APCS: variants seen among roughly 807,000 people sequenced by gnomAD.
APCS encodes serum amyloid P-component.
In APCS, 2 loss-of-function variants were observed where a neutral mutation model predicts 2.5. The observed-to-expected ratio is 0.80, with a 90% CI of 0.33 to 2.53. The LOEUF is 2.53. Ranked by LOEUF, APCS falls within the 30% of genes most tolerant of loss-of-function variation. The pLI, the probability that APCS is intolerant of heterozygous loss-of-function variation, is 0.11. For synonymous variants in APCS, 109 were observed against 102.5 expected (o/e 1.06, Z -0.39); for missense variants, 302 against 258.9 (o/e 1.17, Z -1.14).
At chr1:159,588,056 T>C (rs546428006) in intron 1 of APCS, 45 bp from the exon 2 acceptor site, 5 of 1,613,436 alleles carry the variant, frequency 3.1e-6, no homozygotes, top group East Asian at 2.2e-5. Flanking sequence ...ATCTTTTCCC[T>C]GCATTTATAC....
Position 159,588,652 on chromosome 1 carries a change from G to C in APCS, c.616G>C (p.Ala206Pro), listed in dbSNP as rs749107842. 6.2e-7 allele frequency: 1 copy of C among 1,613,570 alleles called. No individual in the cohort carries two copies. Among genetic ancestry groups the C allele is most frequent in the East Asian group, 2.2e-5 (1 of 44,860 alleles). Residue 206 changes from alanine to proline, a missense_variant, in exon 2 of 2, where the codon GCT (alanine) becomes CCT (proline). Physicochemically the swap from Ala to Pro is conservative, Grantham distance 27. Transcript: ENST00000255040. ...CCCTGCCAATATCCTGGACTGGCAGGCTCTGAACTATGAAATCAGAGGATA... is the reference window on the plus strand; with the variant it reads ...CCCTGCCAATATCCTGGACTGGCAGCCTCTGAACTATGAAATCAGAGGATA... ...PLPANILDWQ[A>P]LNYEIRGYVI... is the part of the protein sequence containing the mutation.
In APCS at chr1:159,588,704, T is replaced by C. The variant is rs763388925; in HGVS notation, c.668T>C (p.Val223Ala). 1.1e-5 allele frequency: 17 copies of C among 1,608,772 alleles called. No homozygotes were observed. The highest frequency in any genetic ancestry group is 1.4e-5 in the Non-Finnish European group (16 of 1,176,302). Residue 223 changes from valine (V) to alanine (A), a missense_variant, in exon 2 of 2, where the codon GTC becomes GCC. By Grantham distance (64) the Val-to-Ala change is moderately conservative. Transcript: ENST00000255040. ...GTCATCATCAAACCCTTGGTGTGGGTCTGAGGTCTTGACTCAACGAGAGCA... is the reference window on the plus strand; with the variant it reads ...GTCATCATCAAACCCTTGGTGTGGGCCTGAGGTCTTGACTCAACGAGAGCA... ...GYVIIKPLVWV is the reference protein window; with the variant it reads ...GYVIIKPLVWA
chr1:159,588,104 T>G lies in APCS; in HGVS notation c.68T>G (p.Leu23Arg). 1 of 1,613,514 alleles carries G rather than the reference T, an allele frequency of 6.2e-7. No individual in the cohort carries two copies. The highest frequency in any genetic ancestry group is 8.5e-7 in the Non-Finnish European group (1 of 1,179,548). Reference protein sequence around the residue: ...SLLEAFAHTDLSGKVFVFPRE... With the variant: ...SLLEAFAHTDRSGKVFVFPRE... ...TCTTTCTTTCTTTATCCCGCAGACC[T>G]CAGTGGGAAGGTGTTTGTATTTCCT... Residue 23 changes from leucine (L) to arginine (R), a missense_variant, in exon 2 of 2, where the codon CTC becomes CGC. Coordinates refer to ENST00000255040, the MANE Select transcript of APCS (RefSeq NM_001639.4).
rs1570983988 is a variant in APCS, at chr1:159,587,846, A to G, written c.-76A>G. Reference sequence around the variant, plus strand: ...TCTAAGGGCATGAATATCAGACGCTAGGGGGACAGCCACTGTGTTGTCTGC... The same window carrying G: ...TCTAAGGGCATGAATATCAGACGCTGGGGGGACAGCCACTGTGTTGTCTGC... On this transcript the variant is annotated 5_prime_UTR_variant, in exon 1 of 2. An upstream open reading frame in the 5' UTR loses its in-frame stop. Transcript: ENST00000255040. 7.5e-6 allele frequency: 11 copies of G among 1,468,706 alleles called. 1 individual carries two copies. In the South Asian group the frequency reaches 1.3e-4, roughly 17 times the overall value. 91.0% of individuals were successfully genotyped at this position (1,468,706 alleles called of 1,614,324 possible).
chr1:159,588,032 G>T (rs750515137), intron 1 of APCS, 47 bp downstream of exon 1: 2 of 1,612,892 alleles, frequency 1.2e-6, no homozygotes, highest in Admixed American at 3.3e-5. Flanking sequence ...GAGAAAATAG[G>T]TTGAAGCTGA....
Position 159,588,645 on chromosome 1 carries a change from C to A in APCS, c.609C>A (p.Asp203Glu). ...QGTPLPANIL[D>E]WQALNYEIRG... The stretch of plus-strand genomic sequence containing the variant: ...CCCCTCTCCCTGCCAATATCCTGGA[C>A]TGGCAGGCTCTGAACTATGAAATCA... Residue 203 changes from aspartate (D) to glutamate (E), a missense_variant, in exon 2 of 2, where the codon GAC (aspartate) becomes GAA (glutamate). Asp to Glu is a conservative substitution (Grantham distance 45). Transcript: ENST00000255040. 6.2e-7 allele frequency: 1 copy of A among 1,613,648 alleles called. No individual in the cohort carries two copies. The highest frequency in any genetic ancestry group is 8.5e-7 in the Non-Finnish European group (1 of 1,179,850).
chr1:159,588,126 T>C lies in APCS; in HGVS notation c.90T>C (p.Phe30=), dbSNP rs200137779. The C allele has an allele frequency of 6.2e-6, 10 of 1,613,664 alleles. No homozygotes were observed. Among genetic ancestry groups the C allele is most frequent in the Non-Finnish European group, 8.5e-6 (10 of 1,179,734 alleles). The part of the protein sequence containing the change: ...HTDLSGKVFV[F]PRESVTDHVN... ...ACCTCAGTGGGAAGGTGTTTGTATT[T>C]CCTAGAGAATCTGTTACTGATCATG... The change falls in exon 2 of 2, where the codon TTT becomes TTC. Residue 30 remains phenylalanine, a synonymous_variant. Transcript: ENST00000255040.
chr1:159,588,034 T>A (rs200588785), intron 1 of APCS, 49 bp downstream of exon 1: 1 of 1,612,914 alleles, frequency 6.2e-7, no homozygotes. Context: ...GAAAATAGGT[T>A]GAAGCTGAGA....
In APCS at chr1:159,588,347, T is replaced by C. The variant is rs1182186265; in HGVS notation, c.311T>C (p.Ile104Thr). ...AGACACAAAGTTACATCCAAAGTTA[T>C]CGAAAAGTTCCCGGCTCCAGTGCAC... ...IGRHKVTSKV[I>T]EKFPAPVHIC... is the part of the protein sequence containing the mutation. Residue 104 changes from isoleucine to threonine, a missense_variant, in exon 2 of 2, where the codon ATC becomes ACC. Coordinates refer to ENST00000255040, the MANE Select transcript of APCS (RefSeq NM_001639.4). 6.2e-7 allele frequency: 1 copy of C among 1,614,174 alleles called. No homozygotes were observed. The highest frequency in any genetic ancestry group is 8.5e-7 in the Non-Finnish European group (1 of 1,180,032).
rs1159337866 is a variant in APCS at position 159,588,285 on chromosome 1, T to C, written c.249T>C (p.Tyr83=). ...TQGRDNELLV[Y]KERVGEYSLY... ...GCAGGGATAATGAGCTACTAGTTTA[T>C]AAAGAAAGAGTTGGAGAGTATAGTC... The change falls in exon 2 of 2, where the codon TAT becomes TAC. Residue 83 remains tyrosine (Y), a synonymous_variant. Coordinates refer to ENST00000255040, the MANE Select transcript of APCS (RefSeq NM_001639.4). The C allele has an allele frequency of 7.4e-6, 12 of 1,613,820 alleles. No homozygotes were observed. The highest frequency in any genetic ancestry group is 1.7e-5 in the Admixed American group (1 of 59,980).
At chr1:159,588,013 T>C (rs199985915) in intron 1 of APCS, 28 bp downstream of exon 1, 2 of 1,613,570 alleles carry the variant, frequency 1.2e-6, no homozygotes, top group African/African-American at 2.7e-5. Flanking sequence ...TGGTCAAGAA[T>C]CATAAAGTGA....
In APCS at chr1:159,588,156, C is replaced by T. The variant is rs2101627005; in HGVS notation, c.120C>T (p.Asn40=). 1 of 1,613,910 alleles carries T rather than the reference C, an allele frequency of 6.2e-7. No individual in the cohort carries two copies. The highest frequency in any genetic ancestry group is 1.7e-5 in the Admixed American group (1 of 60,006). Residue 40 remains asparagine, a synonymous_variant, in exon 2 of 2, where the codon AAC becomes AAT. Coordinates refer to ENST00000255040, the MANE Select transcript of APCS (RefSeq NM_001639.4). ...FPRESVTDHV[N]LITPLEKPLQ... ...GAGAATCTGTTACTGATCATGTAAA[C>T]TTGATCACACCGCTGGAGAAGCCTC...
At position 159,587,945 on chromosome 1, in the gene APCS, C is replaced by G. The variant is rs1329217386; in HGVS notation, c.24C>G (p.Ile8Met). The change falls in exon 1 of 2, where the codon ATC (isoleucine) becomes ATG (methionine). Residue 8 changes from isoleucine to methionine, a missense_variant. Ile to Met is a conservative substitution (Grantham distance 10). Coordinates refer to ENST00000255040, the MANE Select transcript of APCS (RefSeq NM_001639.4). MNKPLLW[I>M]SVLTSLLEAF... The stretch of plus-strand genomic sequence containing the variant: ...ATATGAACAAGCCGCTGCTTTGGAT[C>G]TCTGTCCTCACCAGCCTCCTGGAAG... 4 of 1,614,118 alleles carry G rather than the reference C, an allele frequency of 2.5e-6. No individual in the cohort carries two copies. The South Asian group carries it at 4.4e-5, about 18-fold the overall frequency.
Position 159,588,485 on chromosome 1 carries a change from T to C in APCS, c.449T>C (p.Ile150Thr). Reference protein sequence around the residue: ...QGYFVEAQPKIVLGQEQDSYG... With the variant: ...QGYFVEAQPKTVLGQEQDSYG... ...TACTTTGTAGAAGCTCAGCCCAAGA[T>C]TGTCCTGGGGCAGGAACAGGATTCC... The change falls in exon 2 of 2, where the codon ATT (isoleucine) becomes ACT (threonine). Residue 150 changes from isoleucine (I) to threonine (T), a missense_variant. Transcript: ENST00000255040. 6.2e-7 allele frequency: 1 copy of C among 1,613,896 alleles called. No individual in the cohort carries two copies. Among genetic ancestry groups the C allele is most frequent in the Admixed American group, 1.7e-5 (1 of 59,986 alleles).
rs202233773 is a variant in APCS at position 159,588,212 on chromosome 1, A to G, written c.176A>G (p.Tyr59Cys). ...AACTTTACCTTGTGTTTTCGAGCCT[A>G]TAGTGATCTCTCTCGTGCCTACAGC... ...LQNFTLCFRA[Y>C]SDLSRAYSLF... Residue 59 changes from tyrosine (Y) to cysteine (C), a missense_variant, in exon 2 of 2, where the codon TAT (tyrosine) becomes TGT (cysteine). Coordinates refer to ENST00000255040, the MANE Select transcript of APCS (RefSeq NM_001639.4). 5.6e-6 allele frequency: 9 copies of G among 1,614,178 alleles called. No homozygotes were observed. The highest frequency in any genetic ancestry group is 4.4e-5 in the South Asian group (4 of 91,088).
Position 159,588,494 on chromosome 1 carries a change from G to T in APCS, c.458G>T (p.Gly153Val). The change falls in exon 2 of 2, where the codon GGG becomes GTG. Residue 153 changes from glycine to valine, a missense_variant. Gly to Val is a moderately radical substitution (Grantham distance 109). Coordinates refer to ENST00000255040, the MANE Select transcript of APCS (RefSeq NM_001639.4). Reference sequence around the variant, plus strand: ...GAAGCTCAGCCCAAGATTGTCCTGGGGCAGGAACAGGATTCCTATGGGGGC... The same window carrying T: ...GAAGCTCAGCCCAAGATTGTCCTGGTGCAGGAACAGGATTCCTATGGGGGC... ...FVEAQPKIVL[G>V]QEQDSYGGKF... 1 of 1,613,778 alleles carries T rather than the reference G, an allele frequency of 6.2e-7. No homozygotes were observed.
In APCS at chr1:159,588,304, T is replaced by A. The variant is rs931769726; in HGVS notation, c.268T>A (p.Tyr90Asn). 2 of 1,613,832 alleles carry A rather than the reference T, an allele frequency of 1.2e-6. No individual in the cohort carries two copies. ...AGTTTATAAAGAAAGAGTTGGAGAG[T>A]ATAGTCTATACATTGGAAGACACAA... Reference protein sequence around the residue: ...LLVYKERVGEYSLYIGRHKVT... With the variant: ...LLVYKERVGENSLYIGRHKVT... The change falls in exon 2 of 2, where the codon TAT (tyrosine) becomes AAT (asparagine). Residue 90 changes from tyrosine to asparagine, a missense_variant. Tyr to Asn is a moderately radical substitution (Grantham distance 143). Coordinates refer to ENST00000255040, the MANE Select transcript of APCS (RefSeq NM_001639.4).
chr1:159,588,850 A>G lies in APCS; in HGVS notation c.*142A>G. The G allele has an allele frequency of 3.3e-6, 3 of 904,828 alleles. No homozygotes were observed. The highest frequency in any genetic ancestry group is 2.0e-5 in the South Asian group (1 of 49,928). 56.0% of individuals were successfully genotyped at this position (904,828 alleles called of 1,614,324 possible). On this transcript the variant is annotated 3_prime_UTR_variant, in exon 2 of 2. Transcript: ENST00000255040. ...TATGTCTGCCTAATTAAAAAAATAT[A>G]TATTGTATTATGCTACCTGCATTTG... is the stretch of plus-strand genomic sequence containing the variant.
chr1:159,587,918 G>T lies in APCS; in HGVS notation c.-4G>T. ...TTCTGCTATAACAGCCCTAGGCCAG[G>T]AATATGAACAAGCCGCTGCTTTGGA... is the stretch of plus-strand genomic sequence containing the variant. On this transcript the variant is annotated 5_prime_UTR_variant, in exon 1 of 2. Coordinates refer to ENST00000255040, the MANE Select transcript of APCS (RefSeq NM_001639.4). 6.2e-7 allele frequency: 1 copy of T among 1,613,694 alleles called. No individual in the cohort carries two copies. Among genetic ancestry groups the T allele is most frequent in the Non-Finnish European group, 8.5e-7 (1 of 1,180,016 alleles).
Sources: gnomAD v4.1 joint callset for allele counts on GRCh38, gnomAD v4.1.1 for gene constraint, MANE v1.5 for transcripts, NCBI Gene and HGNC (gene_info 2026-07-23, HGNC 2026-07-21) for gene names.